Variants in GRIK2 observed in about 807,000 individuals in gnomAD.
The protein encoded by GRIK2 is glutamate ionotropic receptor kainate type subunit 2, also known as glutamate receptor ionotropic, kainate 2.
In GRIK2, 32 loss-of-function variants were observed where a neutral mutation model predicts 100.3. The observed-to-expected ratio is 0.32, with a 90% CI of 0.24 to 0.43. The LOEUF (loss-of-function observed/expected upper bound fraction) is 0.43, where lower values mean the gene tolerates loss of function less well. Ranked by LOEUF, GRIK2 falls within the 20% of genes least tolerant of loss-of-function variation. The pLI is 1.00. For synonymous variants in GRIK2, 417 were observed against 389.4 expected, an observed-to-expected ratio of 1.07 and a Z score of -0.83; for missense variants, 843 against 1,114.9, an observed-to-expected ratio of 0.76 and a Z score of 3.47.
At chr6:102,050,298 G>A (rs1030211283) in intron 15 of GRIK2, among the ~76,000 whole-genome samples, 15 of 151,924 alleles carry the variant, frequency 9.9e-5, no homozygotes, top group African/African-American at 3.1e-4. Flanking sequence ...AATGATAGAG[G>A]GGGAAGGGAG....
intron 11 of GRIK2, among the ~76,000 whole-genome samples, chr6:101,867,301 C>A (rs1049216649): frequency 6.6e-6 from 1 of 151,952 alleles, no homozygotes; most frequent in South Asian, 2.1e-4. Flanking sequence ...TTTAAGGAGA[C>A]ATTCTGTGAT....
chr6:101,530,945 A>G (rs1024116827), intron 2 of GRIK2, among the ~76,000 whole-genome samples: 2 of 152,016 alleles, frequency 1.3e-5, no homozygotes, highest in African/African-American at 4.8e-5. Context: ...AGCTTAAATA[A>G]AGCAATTTCA....
intron 2 of GRIK2, among the ~76,000 whole-genome samples, chr6:101,556,403 C>T (rs1298353407): frequency 6.4e-4 from 83 of 129,576 alleles, no homozygotes; most frequent in African/African-American, 1.3e-3. Flanking sequence ...GGCGCGATCT[C>T]GGCTCACTGC....
intron 2 of GRIK2, among the ~76,000 whole-genome samples, chr6:101,566,687 G>A (rs1405698654): frequency 1.3e-5 from 2 of 151,034 alleles, no homozygotes; most frequent in Non-Finnish European, 3.0e-5. Context: ...TACTTTATCA[G>A]TTATTAGCCA....
chr6:101,975,705 T>C (rs1217138087), intron 14 of GRIK2, among the ~76,000 whole-genome samples: 1 of 151,782 alleles, frequency 6.6e-6, no homozygotes, highest in African/African-American at 2.4e-5. Context: ...AAAATGAAGG[T>C]CAAGGTGGGC....
chr6:101,538,473 A>G (rs1417820358), intron 2 of GRIK2, among the ~76,000 whole-genome samples: 2 of 151,738 alleles, frequency 1.3e-5, no homozygotes, highest in Admixed American at 6.6e-5. Context: ...TTTATGATAG[A>G]CATTATATTC....
intron 14 of GRIK2, among the ~76,000 whole-genome samples, chr6:101,940,411 A>C (rs1301870707): frequency 2.0e-5 from 3 of 152,174 alleles, no homozygotes; most frequent in Non-Finnish European, 4.4e-5. Context: ...AGCTGAAACA[A>C]GTAAATCTAT....
At chr6:101,635,378 G>C (rs776404795) in intron 4 of GRIK2, among the ~76,000 whole-genome samples, 11 of 151,836 alleles carry the variant, frequency 7.2e-5, no homozygotes, top group Non-Finnish European at 1.6e-4. Context: ...AGACTTAAAC[G>C]TAAGACCAAA....
chr6:101,476,365 T>C (rs1392778044), intron 2 of GRIK2, among the ~76,000 whole-genome samples: 1 of 152,110 alleles, frequency 6.6e-6, no homozygotes, highest in Non-Finnish European at 1.5e-5. Context: ...GAGGAAAAGA[T>C]GTGAAAAATG....
chr6:101,438,319 C>A (rs1182935658), intron 2 of GRIK2, among the ~76,000 whole-genome samples: 7 of 152,084 alleles, frequency 4.6e-5, no homozygotes, highest in African/African-American at 1.7e-4. Flanking sequence ...TCTTAGCCAA[C>A]TGAAATGTTT....
At chr6:101,442,944 C>A (rs1326584883) in intron 2 of GRIK2, among the ~76,000 whole-genome samples, 1 of 152,106 alleles carries the variant, frequency 6.6e-6, no homozygotes, top group Non-Finnish European at 1.5e-5. Flanking sequence ...ACATAAGATT[C>A]TTTTCCAGTT....
At chr6:101,639,499 TCTC>T (rs757602652) in intron 4 of GRIK2, among the ~76,000 whole-genome samples, 2 of 151,792 alleles carry the variant, frequency 1.3e-5, no homozygotes, top group Non-Finnish European at 2.9e-5. Context: ...TAGACTTATT[TCTC>T]CTCTTTATAG....
intron 11 of GRIK2, among the ~76,000 whole-genome samples, chr6:101,878,160 T>C (rs1033157121): frequency 6.7e-6 from 1 of 149,272 alleles, no homozygotes; most frequent in African/African-American, 2.4e-5. Context: ...TAGCTGTCAT[T>C]TGTATTTTTT....
intron 14 of GRIK2, among the ~76,000 whole-genome samples, chr6:102,024,100 T>C (rs1769570086): frequency 6.6e-6 from 1 of 150,996 alleles, no homozygotes. Context: ...TAGTGTTATG[T>C]GACCATGATT....
rs189742842 is a variant in GRIK2 at position 101,603,589 on chromosome 6, T to G, written c.116-18360T>G. ...TTTTATGATTTAACATGTTTTTGCTTCTTACTCTCTTTTGGCAAGAACTTC... is the reference window on the plus strand; with the variant it reads ...TTTTATGATTTAACATGTTTTTGCTGCTTACTCTCTTTTGGCAAGAACTTC... On this transcript the variant is annotated intron_variant, in intron 2 of 16. Coordinates refer to ENST00000369134, the MANE Select transcript of GRIK2 (RefSeq NM_021956.5). Among the ~76,000 whole-genome samples, 374 of 151,934 alleles carry G rather than the reference T, an allele frequency of 2.5e-3. 1 individual carries two copies. Among genetic ancestry groups the G allele is most frequent in the African/African-American group, 8.4e-3 (349 of 41,548 alleles).
chr6:101,515,410 C>T (rs768251011), intron 2 of GRIK2, among the ~76,000 whole-genome samples: 5 of 152,064 alleles, frequency 3.3e-5, no homozygotes, highest in Non-Finnish European at 5.9e-5. Flanking sequence ...ATAATGATGT[C>T]TTTTCCTCTG....
intron 2 of GRIK2, among the ~76,000 whole-genome samples, chr6:101,422,565 T>C (rs1776461634): frequency 6.6e-6 from 1 of 151,898 alleles, no homozygotes; most frequent in Admixed American, 6.6e-5. Context: ...TTTGTTCAGA[T>C]CTGTTAAAGA....
intron 7 of GRIK2, among the ~76,000 whole-genome samples, chr6:101,751,609 C>A (rs903368292): frequency 3.9e-5 from 6 of 152,052 alleles, no homozygotes; most frequent in Non-Finnish European, 7.4e-5. Context: ...CATTTTTTCC[C>A]CCCTACCATT....
chr6:101,398,226 G>T (rs1033683196), intron 1 of GRIK2, among the ~76,000 whole-genome samples: 1 of 152,126 alleles, frequency 6.6e-6, no homozygotes, highest in African/African-American at 2.4e-5. Flanking sequence ...ATTATTGAAG[G>T]CTTTAGAGTT....
Sources: gnomAD v4.1 joint callset for allele counts (sites outside exome capture counted in the v4.1 genomes callset) on GRCh38, gnomAD v4.1.1 for gene constraint, MANE v1.5 for transcripts, NCBI Gene and HGNC (gene_info 2026-07-23, HGNC 2026-07-21) for gene names.